Variants in ARHGAP28 observed in about 807,000 individuals in gnomAD.
ARHGAP28 encodes Rho GTPase activating protein 28.
A neutral mutation model predicts 90.7 loss-of-function variants in ARHGAP28; 56 were observed. The observed-to-expected ratio is 0.62, with a 90% CI of 0.50 to 0.77. The LOEUF is 0.77. Among genes scored for constraint, ARHGAP28 ranks in the 30% least tolerant of loss-of-function variants. The probability of loss-of-function intolerance (pLI) is 0.00; values close to 1 mark genes in which losing one functional copy is unlikely to be tolerated. For missense variants in ARHGAP28, 869 were observed against 900.9 expected, an observed-to-expected ratio of 0.96 and a Z score of 0.45; for synonymous variants, 308 against 323.3, an observed-to-expected ratio of 0.95 and a Z score of 0.51.
At chr18:6,837,043 G>A (rs1216539761) in intron 2 of ARHGAP28, 154 bp from the exon 3 acceptor site, 5 of 635,756 alleles carry the variant, frequency 7.9e-6, no homozygotes, top group East Asian at 5.5e-5. Flanking sequence ...TAAAAATACA[G>A]TGCAGACTTT....
intron 14 of ARHGAP28, among the ~76,000 whole-genome samples, chr18:6,893,556 C>T (rs934013235): frequency 4.6e-5 from 7 of 152,148 alleles, no homozygotes; most frequent in Non-Finnish European, 8.8e-5. Context: ...GAGGTCAGGT[C>T]AGGCCTTGTC....
intron 1 of ARHGAP28, among the ~76,000 whole-genome samples, chr18:6,802,444 C>T (rs1415823226): frequency 3.0e-5 from 4 of 134,904 alleles, no homozygotes; most frequent in African/African-American, 1.1e-4. Flanking sequence ...CTCCTGGATT[C>T]AATTAATTTT....
chr18:6,886,050 A>T (rs1471722496), intron 11 of ARHGAP28, among the ~76,000 whole-genome samples: 4 of 151,884 alleles, frequency 2.6e-5, no homozygotes, highest in Non-Finnish European at 5.9e-5. Context: ...CAACAATATG[A>T]TCCTCCCTCT....
chr18:6,913,160 G>C lies in ARHGAP28; in HGVS notation c.*1006G>C, dbSNP rs1031969389. On this transcript the variant is annotated 3_prime_UTR_variant, in exon 18 of 18. Transcript: ENST00000383472. ...TTTTGCTTTTGTTTGTTAATCATAG[G>C]CATGGCCGAGCATTGTGGATTAGCC... The C allele has an allele frequency of 6.6e-6, 1 of 152,162 alleles. No homozygotes were observed. Among genetic ancestry groups the C allele is most frequent in the Non-Finnish European group, 1.5e-5 (1 of 68,030 alleles). The allele number at this position is 152,162 out of a possible 1,614,324, so 9.4% of individuals were successfully genotyped here. A position where few individuals can be genotyped will look rare whatever the true frequency, so the allele number is the denominator to read the frequency against.
chr18:6,824,696 A>T, intron 1 of ARHGAP28, 66 bp from the exon 2 acceptor site: 1 of 1,319,118 alleles, frequency 7.6e-7, no homozygotes, highest in Non-Finnish European at 1.0e-6. Context: ...AATTAAATTT[A>T]ATTTTGTGGC....
chr18:6,798,102 A>G (rs2056455296), intron 1 of ARHGAP28, among the ~76,000 whole-genome samples: 1 of 152,258 alleles, frequency 6.6e-6, no homozygotes. Context: ...GACTCTTTTC[A>G]TTAAATAGTG....
intron 14 of ARHGAP28, 26 bp from the exon 15 acceptor site, chr18:6,894,809 A>T: frequency 6.2e-7 from 1 of 1,608,194 alleles, no homozygotes; most frequent in Admixed American, 1.7e-5. Flanking sequence ...TCTCAACATT[A>T]CTCCTAAAGA....
chr18:6,793,561 G>A (rs2056420755), intron 1 of ARHGAP28, among the ~76,000 whole-genome samples: 1 of 151,958 alleles, frequency 6.6e-6, no homozygotes, highest in Non-Finnish European at 1.5e-5. Flanking sequence ...TTGATTTTCA[G>A]GAAACTATTT....
intron 3 of ARHGAP28, among the ~76,000 whole-genome samples, chr18:6,840,902 A>G (rs1233679755): frequency 6.6e-6 from 1 of 152,196 alleles, no homozygotes; most frequent in Non-Finnish European, 1.5e-5. Context: ...AAAAAGCTAT[A>G]TAAACCTCAC....
chr18:6,892,666 ATTGT>A (rs1326188618), intron 14 of ARHGAP28, among the ~76,000 whole-genome samples: 3 of 151,866 alleles, frequency 2.0e-5, no homozygotes, highest in Admixed American at 6.6e-5. Flanking sequence ...TCTTGTACCT[ATTGT>A]TTGTTTGCTT....
intron 7 of ARHGAP28, among the ~76,000 whole-genome samples, chr18:6,872,492 AG>A (rs2057097731): frequency 6.6e-6 from 1 of 152,244 alleles, no homozygotes; most frequent in South Asian, 2.1e-4. Context: ...GCTCCAGTTT[AG>A]GAAACTCCTA....
rs1422196530 is a variant in ARHGAP28, at chr18:6,907,333, G to A, written c.2031-1627G>A. 8.0e-5 allele frequency among the ~76,000 whole-genome samples: 12 copies of A among 149,568 alleles called. No homozygotes were observed. The Admixed American group carries it at 8.0e-4, about 10-fold the overall frequency. ...TTTATCCCAAAGAAATGAAGACCAT[G>A]TTCACACACAAACCTGTTCACAAAT... On this transcript the variant is annotated intron_variant, in intron 16 of 17. Transcript: ENST00000383472.
At chr18:6,813,465 T>A (rs527926166) in intron 1 of ARHGAP28, among the ~76,000 whole-genome samples, 1 of 152,326 alleles carries the variant, frequency 6.6e-6, no homozygotes, top group East Asian at 1.9e-4. Flanking sequence ...TTTTTAAACA[T>A]CCATATATTT....
rs1489386336 is a variant in ARHGAP28, at chr18:6,773,005, T to TGCTG, written c.122+43064_122+43067dup. ...ATCCACCCGCCTCAGCCTCCTAAAG[T>TGCTG]GCTGGGATTGTGAAGGTTTTATCTG... is the stretch of plus-strand genomic sequence containing the variant. On this transcript the variant is annotated intron_variant, in intron 1 of 17. Transcript: ENST00000383472. Among the ~76,000 whole-genome samples, 6 of 152,166 alleles carry TGCTG rather than the reference T, an allele frequency of 3.9e-5. No individual in the cohort carries two copies. The East Asian group carries it at 1.2e-3, about 29-fold the overall frequency.
At chr18:6,869,525 T>G (rs1370424103) in intron 6 of ARHGAP28, among the ~76,000 whole-genome samples, 1 of 152,058 alleles carries the variant, frequency 6.6e-6, no homozygotes, top group Non-Finnish European at 1.5e-5. Flanking sequence ...CCTCCCAAAG[T>G]GCTGGGATTA....
intron 4 of ARHGAP28, among the ~76,000 whole-genome samples, chr18:6,852,399 G>C (rs758128199): frequency 2.0e-5 from 3 of 152,170 alleles, no homozygotes; most frequent in Non-Finnish European, 2.9e-5. Flanking sequence ...TTTATTTTCA[G>C]TGTCTTAAAT....
At chr18:6,869,253 CTTTTTTTTTTT>C (rs61280250) in intron 6 of ARHGAP28, among the ~76,000 whole-genome samples, 1 of 68,040 alleles carries the variant, frequency 1.5e-5, no homozygotes, top group Non-Finnish European at 2.8e-5. Context: ...TTTTGCCATT[CTTTTTTTTTTT>C]TTTTTTTTTT....
chr18:6,803,383 T>C (rs2056496343), intron 1 of ARHGAP28, among the ~76,000 whole-genome samples: 2 of 152,190 alleles, frequency 1.3e-5, no homozygotes, highest in Admixed American at 6.5e-5. Context: ...ATGAATTCCA[T>C]TGATTATTTT....
intron 1 of ARHGAP28, among the ~76,000 whole-genome samples, chr18:6,736,926 C>T (rs1426122883): frequency 6.6e-6 from 1 of 150,404 alleles, no homozygotes; most frequent in Non-Finnish European, 1.5e-5. Context: ...GAGATGTTAT[C>T]TGAACATCTG....
Sources: gnomAD v4.1 joint callset for allele counts (sites outside exome capture counted in the v4.1 genomes callset) on GRCh38, gnomAD v4.1.1 for gene constraint, MANE v1.5 for transcripts, NCBI Gene and HGNC (gene_info 2026-07-23, HGNC 2026-07-21) for gene names.